Variants in PUS10 observed in about 807,000 individuals in gnomAD.
PUS10 encodes the protein tRNA pseudouridine synthase Pus10.
In PUS10, 59 loss-of-function variants were observed where a neutral mutation model predicts 75.0. The observed-to-expected ratio is 0.79, with a 90% confidence interval of 0.64 to 0.98. The LOEUF (loss-of-function observed/expected upper bound fraction) is 0.98. Ranked by LOEUF, PUS10 falls within the 50% of genes least tolerant of loss-of-function variation. PUS10 has a pLI of 0.00. For synonymous variants in PUS10, 219 were observed against 211.6 expected (o/e 1.03, Z -0.30); for missense variants, 650 against 614.4 (o/e 1.06, Z -0.61).
intron 1 of PUS10, among the ~76,000 whole-genome samples, chr2:61,012,592 C>T (rs1014609512): frequency 6.7e-6 from 1 of 149,530 alleles, no homozygotes; most frequent in Admixed American, 6.7e-5. Flanking sequence ...TTTGGGAGGC[C>T]GAGGGTGGAT....
At chr2:61,017,024 C>A (rs994076822) in intron 1 of PUS10, 2 of 152,310 alleles carry the variant, frequency 1.3e-5, no homozygotes, top group Admixed American at 6.6e-5. Flanking sequence ...CCCCTTCGGT[C>A]AGGTGCAACA....
rs182421685 is a variant in PUS10, at chr2:61,007,910, G to A, written c.381+851C>T. Among the ~76,000 whole-genome samples the A allele has an allele frequency of 1.4e-3, 207 of 151,286 alleles. 1 individual carries two copies. The highest frequency in any genetic ancestry group is 3.6e-3 in the Middle Eastern group (1 of 280). Reference sequence around the variant, plus strand: ...ATCCTGGCTAACACGGTGAAACCCCGTCTCTACTGAAAATACAGAAAATTA... The same window carrying A: ...ATCCTGGCTAACACGGTGAAACCCCATCTCTACTGAAAATACAGAAAATTA... On this transcript the variant is annotated intron_variant, in intron 3 of 17. Transcript: ENST00000316752.
chr2:60,980,234 A>G (rs1463099247), intron 4 of PUS10, among the ~76,000 whole-genome samples: 1 of 152,228 alleles, frequency 6.6e-6, no homozygotes, highest in Non-Finnish European at 1.5e-5. Context: ...AACCTCAGTG[A>G]AACAAGGATC....
chr2:61,010,497 T>G, intron 2 of PUS10: 1 of 226,180 alleles, frequency 4.4e-6, no homozygotes, highest in Admixed American at 5.0e-5. Flanking sequence ...CAGCTAATAT[T>G]TGTATTTTTA....
At chr2:61,008,165 T>C (rs1679361579) in intron 3 of PUS10, among the ~76,000 whole-genome samples, 1 of 151,558 alleles carries the variant, frequency 6.6e-6, no homozygotes, top group Non-Finnish European at 1.5e-5. Flanking sequence ...GGCAGGAGGA[T>C]GACTTGAGGC....
chr2:60,967,142 C>T (rs1676387035), intron 6 of PUS10: 1 of 184,432 alleles, frequency 5.4e-6, no homozygotes, highest in Non-Finnish European at 1.1e-5. Flanking sequence ...CACAGATAAA[C>T]CAAAATTAAA....
intron 1 of PUS10, chr2:61,017,699 C>T: frequency 7.3e-7 from 1 of 1,360,876 alleles, no homozygotes; most frequent in East Asian, 2.5e-5. Context: ...GCTCCAGGTG[C>T]TGGTCTACGC....
chr2:61,018,133 A>G lies in PUS10; in HGVS notation c.-141T>C, dbSNP rs1348676074. 3 of 1,549,356 alleles carry G rather than the reference A, an allele frequency of 1.9e-6. No homozygotes were observed. The highest frequency in any genetic ancestry group is 1.2e-5 in the South Asian group (1 of 84,000). The stretch of plus-strand genomic sequence containing the variant: ...TTGAAAGAAAGGGGGGCGGCTTCCT[A>G]CCTACCGCTTCTGTTTTCACTTTGA... On this transcript the variant is annotated 5_prime_UTR_variant, in exon 1 of 18. An upstream open reading frame in the 5' UTR loses its in-frame stop. Transcript: ENST00000316752.
chr2:61,003,837 T>G (rs1165195468), intron 4 of PUS10, among the ~76,000 whole-genome samples: 1 of 152,192 alleles, frequency 6.6e-6, no homozygotes, highest in Admixed American at 6.5e-5. Flanking sequence ...CTACTGTGAC[T>G]AGCCATTTAA....
rs569830577 is a variant in PUS10, at chr2:60,993,020, C to G, written c.468+13537G>C. On this transcript the variant is annotated intron_variant, in intron 4 of 17. Transcript: ENST00000316752. ...TACGTGCTGAGCACTCTTGCCCTGG[C>G]TCTGGAGACTGCCATATATCCAGCT... Among the ~76,000 whole-genome samples the G allele has an allele frequency of 2.0e-5, 3 of 152,332 alleles. No homozygotes were observed. In the South Asian group the frequency reaches 6.2e-4, roughly 32 times the overall value.
intron 4 of PUS10, among the ~76,000 whole-genome samples, chr2:60,994,998 G>A (rs765406666): frequency 7.9e-5 from 12 of 152,156 alleles, no homozygotes; most frequent in Non-Finnish European, 1.2e-4. Flanking sequence ...CCTGAGGCAG[G>A]AGAATCGCTA....
At chr2:61,012,003 A>G in intron 1 of PUS10, 98 bp from the exon 2 acceptor site, 1 of 925,932 alleles carries the variant, frequency 1.1e-6, no homozygotes, top group Non-Finnish European at 1.6e-6. Flanking sequence ...TTCATTTGAA[A>G]AACACTATTG....
chr2:60,982,825 T>G (rs1677483434), intron 4 of PUS10, among the ~76,000 whole-genome samples: 1 of 151,920 alleles, frequency 6.6e-6, no homozygotes, highest in Non-Finnish European at 1.5e-5. Context: ...AAATAAAATA[T>G]TAAGTCGAAT....
intron 4 of PUS10, among the ~76,000 whole-genome samples, chr2:60,983,284 G>C (rs546099438): frequency 6.6e-6 from 1 of 152,232 alleles, no homozygotes; most frequent in African/African-American, 2.4e-5. Context: ...TAGTTTACTT[G>C]ACTACAAAAT....
intron 17 of PUS10, among the ~76,000 whole-genome samples, chr2:60,943,974 C>CA (rs1213835040): frequency 6.6e-6 from 1 of 151,546 alleles, no homozygotes; most frequent in Non-Finnish European, 1.5e-5. Flanking sequence ...ACAACAACAA[C>CA]AAAAAAACGC....
chr2:60,974,211 CTT>C lies in PUS10; in HGVS notation c.469-2656_469-2655del, dbSNP rs35241132. ...ACTGTTCTACCACTTGATAAAGCTC[CTT>C]TTTTTTTTTTTTTTTTTTTTGGAGA... is the stretch of plus-strand genomic sequence containing the variant. On this transcript the variant is annotated intron_variant, in intron 4 of 17. Transcript: ENST00000316752. 3.8e-3 allele frequency among the ~76,000 whole-genome samples: 369 copies of C among 96,120 alleles called. 4 individuals are homozygous for C. The highest frequency in any genetic ancestry group is 0.018 in the South Asian group (54 of 2,974). The allele number at this position is 96,120 out of a possible 152,430, so 63.1% of individuals were successfully genotyped here. A position where few individuals can be genotyped will look rare whatever the true frequency, so the allele number is the denominator to read the frequency against.
In PUS10 at chr2:60,960,431, A is replaced by C; in HGVS notation, c.961T>G (p.Leu321Val). The part of the protein sequence containing the change: ...ERKLESSVEE[L>V]ISDHLLAVFK... Reference sequence around the variant, plus strand: ...ACTGCCAACAGATGATCTGAAATTAATTCTTCCACTGAAGATTCCAGCTTC... The same window carrying C: ...ACTGCCAACAGATGATCTGAAATTACTTCTTCCACTGAAGATTCCAGCTTC... Residue 321 changes from leucine to valine, a missense_variant, in exon 11 of 18, where the codon TTA (leucine) becomes GTA (valine). Physicochemically the swap from Leu to Val is conservative, Grantham distance 32. Transcript: ENST00000316752. The C allele has an allele frequency of 6.3e-7, 1 of 1,578,062 alleles. No homozygotes were observed. The highest frequency in any genetic ancestry group is 8.6e-7 in the Non-Finnish European group (1 of 1,166,964).
intron 4 of PUS10, among the ~76,000 whole-genome samples, chr2:60,974,233 T>C (rs1483956201): frequency 8.6e-6 from 1 of 116,714 alleles, no homozygotes; most frequent in Non-Finnish European, 1.8e-5. Context: ...TTTTTTTTTT[T>C]GGAGATGGAG....
chr2:60,942,300 C>T lies in PUS10; in HGVS notation c.*95G>A, dbSNP rs1264576465. 1.1e-5 allele frequency: 11 copies of T among 969,624 alleles called. No individual in the cohort carries two copies. Among genetic ancestry groups the T allele is most frequent in the Admixed American group, 6.9e-5 (4 of 58,204 alleles). 60.1% of individuals were successfully genotyped at this position (969,624 alleles called of 1,614,324 possible). A position where few individuals can be genotyped will look rare whatever the true frequency, so the allele number is the denominator to read the frequency against. On this transcript the variant is annotated 3_prime_UTR_variant, in exon 18 of 18. Transcript: ENST00000316752. Reference sequence around the variant, plus strand: ...ATGATCCAAATAGTTTTCAAGACACCGTTATGGTGGGTAAACAGCCATTTT... The same window carrying T: ...ATGATCCAAATAGTTTTCAAGACACTGTTATGGTGGGTAAACAGCCATTTT...
Sources: allele counts gnomAD v4.1 joint callset (sites outside exome capture counted in the v4.1 genomes callset), GRCh38; gene constraint gnomAD v4.1.1; transcripts MANE v1.5; gene names NCBI Gene and HGNC (gene_info 2026-07-23, HGNC 2026-07-21).